Variants in NLRP12 observed in about 807,000 individuals in gnomAD.
NLRP12 encodes the protein NACHT, LRR and PYD domains-containing protein 12.
A neutral mutation model predicts 91.2 loss-of-function variants in NLRP12; 108 were observed. The ratio of observed to expected loss-of-function variants is 1.18; its 90% confidence interval spans 1.01 to 1.39. NLRP12 has a LOEUF of 1.39. NLRP12 is among the 40% of genes most tolerant of loss of function. The probability of loss-of-function intolerance (pLI) is 0.00; values close to 1 mark genes in which losing one functional copy is unlikely to be tolerated. For synonymous variants in NLRP12, 613 were observed against 566.7 expected (o/e 1.08, Z -1.16); for missense variants, 1,530 against 1,352.7 (o/e 1.13, Z -2.06).
At position 53,798,386 on chromosome 19, in the gene NLRP12, G is replaced by A. The variant is rs104895569; in HGVS notation, c.2784C>T (p.Ala928=). 2.6e-3 allele frequency: 4,116 copies of A among 1,614,090 alleles called. 67 individuals carry two copies. The African/African-American group carries it at 0.043, about 17-fold the overall frequency. Residue 928 remains alanine (A), a synonymous_variant, in exon 8 of 10, where the codon GCC becomes GCT. Transcript: ENST00000324134. ...LRLGICRLGS[A]ACEGLSVVLQ... Reference sequence around the variant, plus strand: ...GCACCACAGAAAGACCCTCACAGGCGGCAGAGCCCAGCCGGCAGATGCCCA... The same window carrying A: ...GCACCACAGAAAGACCCTCACAGGCAGCAGAGCCCAGCCGGCAGATGCCCA...
intron 1 of NLRP12, among the ~76,000 whole-genome samples, chr19:53,819,964 G>T (rs2092242875): frequency 6.6e-6 from 1 of 152,038 alleles, no homozygotes; most frequent in South Asian, 2.1e-4. Context: ...AGTCATTAAA[G>T]ACTTTGTTTT....
intron 7 of NLRP12, among the ~76,000 whole-genome samples, chr19:53,800,581 C>A (rs8110965): frequency 6.1e-5 from 8 of 130,154 alleles, no homozygotes; most frequent in Non-Finnish European, 1.2e-4. Context: ...GTCAGAAAAC[C>A]CCCCCCTTTT....
chr19:53,796,068 G>T (rs1488401503), intron 8 of NLRP12, 39 bp from the exon 9 acceptor site: 3 of 1,593,986 alleles, frequency 1.9e-6, no homozygotes, highest in South Asian at 1.1e-5. Context: ...AACACCAGGG[G>T]CTACTTATGT....
In NLRP12 at chr19:53,805,422, C is replaced by A; in HGVS notation, c.2272G>T (p.Ala758Ser). Residue 758 changes from alanine to serine, a missense_variant, in exon 5 of 10, where the codon GCC becomes TCC. Coordinates refer to ENST00000324134, the MANE Select transcript of NLRP12 (RefSeq NM_144687.4). The stretch of plus-strand genomic sequence containing the variant: ...AGAGCTGCAGAGAGGTCCTCGCAGG[C>A]TGAGCTGGAGATGCGGCACCTCTTC... ...RLKRCRISSS[A>S]CEDLSAALIA... 6.2e-7 allele frequency: 1 copy of A among 1,613,916 alleles called. No individual in the cohort carries two copies. Among genetic ancestry groups the A allele is most frequent in the South Asian group, 1.1e-5 (1 of 91,070 alleles).
rs538838789 is a variant in NLRP12 at position 53,802,168 on chromosome 19, C to T, written c.2586-771G>A. Among the ~76,000 whole-genome samples, 40 of 151,178 alleles carry T rather than the reference C, an allele frequency of 2.6e-4. 2 individuals carry two copies. In the East Asian group the frequency reaches 7.4e-3, roughly 28 times the overall value. ...CTTGAACCCAGGAGGCGGAGGTTGC[C>T]GTGAGCTGAGATCACGCCATTGCAC... On this transcript the variant is annotated intron_variant, in intron 6 of 9. Coordinates refer to ENST00000324134, the MANE Select transcript of NLRP12 (RefSeq NM_144687.4).
At position 53,804,120 on chromosome 19, in the gene NLRP12, A is replaced by G; in HGVS notation, c.2417T>C (p.Leu806Ser). The G allele has an allele frequency of 6.2e-7, 1 of 1,613,842 alleles. No homozygotes were observed. The highest frequency in any genetic ancestry group is 8.5e-7 in the Non-Finnish European group (1 of 1,179,874). Residue 806 changes from leucine (L) to serine (S), a missense_variant and splice_region_variant, in exon 6 of 10, where the codon TTG becomes TCG. Physicochemically the swap from Leu to Ser is moderately radical, Grantham distance 145. Transcript: ENST00000324134. ...CCCGGACTCCAGCTGACACTTCCTC[A>G]ACCTTGGGAGGAAGGAGAGGTTGAA... ...HPQCRLQMIQ[L>S]RKCQLESGAC...
chr19:53,803,661 CCT>C, intron 6 of NLRP12: 3 of 398,130 alleles, frequency 7.5e-6, no homozygotes. Context: ...GCAACTTCCG[CCT>C]CTCAGGTTCA....
At position 53,810,993 on chromosome 19, in the gene NLRP12, G is replaced by T. The variant is rs758065896; in HGVS notation, c.666C>A (p.Gly222=). 1.2e-5 allele frequency: 19 copies of T among 1,614,044 alleles called. No homozygotes were observed. The highest frequency in any genetic ancestry group is 1.6e-4 in the Middle Eastern group (1 of 6,084). ...TVVMQGAAGI[G]KSMLAHKVML... is the part of the protein sequence containing the mutation. ...TCACCTTGTGTGCCAGCATGGACTT[G>T]CCTATCCCTGCCGCGCCTTGCATGA... is the stretch of plus-strand genomic sequence containing the variant. The change falls in exon 3 of 10, where the codon GGC becomes GGA. Residue 222 remains glycine (G), a synonymous_variant. Transcript: ENST00000324134.
intron 7 of NLRP12, among the ~76,000 whole-genome samples, chr19:53,800,731 C>T (rs1332125299): frequency 6.6e-6 from 1 of 151,962 alleles, no homozygotes; most frequent in Non-Finnish European, 1.5e-5. Flanking sequence ...TATAGGCATG[C>T]ACCACCATGC....
In NLRP12 at chr19:53,798,242, C is replaced by G. The variant is rs2091804805; in HGVS notation, c.2927+1G>C. The G allele has an allele frequency of 6.2e-7, 1 of 1,614,194 alleles. No individual in the cohort carries two copies. The highest frequency in any genetic ancestry group is 1.3e-5 in the African/African-American group (1 of 75,050). ...CCACCCCGTCACTCCCCGATGCTCA[C>G]CACAGTTTCTGGAGTCTGCAGGCGG... On this transcript the variant is annotated splice_donor_variant, in intron 8 of 9. Coordinates refer to ENST00000324134, the MANE Select transcript of NLRP12 (RefSeq NM_144687.4). LOFTEE classifies it high-confidence loss of function.
chr19:53,811,376 A>T, intron 2 of NLRP12, 88 bp from the exon 3 acceptor site: 1 of 1,473,366 alleles, frequency 6.8e-7, no homozygotes, highest in Non-Finnish European at 9.5e-7. Context: ...TGTGGCTCAA[A>T]GAAGGTGTGT....
intron 5 of NLRP12, 116 bp from the exon 6 acceptor site, chr19:53,804,238 G>T: frequency 1.6e-6 from 2 of 1,213,892 alleles, no homozygotes; most frequent in Non-Finnish European, 2.4e-6. Context: ...TGTCACCCAG[G>T]GTGAAGTTCA....
At chr19:53,798,518 A>G (rs1337714641) in intron 7 of NLRP12, 105 bp from the exon 8 acceptor site, 2 of 1,087,704 alleles carry the variant, frequency 1.8e-6, no homozygotes, top group Non-Finnish European at 2.8e-6. Flanking sequence ...AGAGGGACAG[A>G]CTCAATCTCT....
At chr19:53,823,350 C>T (rs2092288676) in intron 1 of NLRP12, among the ~76,000 whole-genome samples, 2 of 123,928 alleles carry the variant, frequency 1.6e-5, no homozygotes, top group South Asian at 2.4e-4. Context: ...ATAATATATA[C>T]CATATTTAAT....
At chr19:53,802,009 C>T (rs2091883531) in intron 6 of NLRP12, among the ~76,000 whole-genome samples, 1 of 151,942 alleles carries the variant, frequency 6.6e-6, no homozygotes, top group African/African-American at 2.4e-5. Context: ...GGGTGGATCA[C>T]CTGAGGTTGG....
Position 53,809,836 on chromosome 19 carries a change from T to A in NLRP12, c.1823A>T (p.Gln608Leu). 1 of 1,614,128 alleles carries A rather than the reference T, an allele frequency of 6.2e-7. No homozygotes were observed. The highest frequency in any genetic ancestry group is 8.5e-7 in the Non-Finnish European group (1 of 1,180,024). The change falls in exon 3 of 10, where the codon CAG (glutamine) becomes CTG (leucine). Residue 608 changes from glutamine to leucine, a missense_variant. By Grantham distance (113) the Gln-to-Leu change is moderately radical. Transcript: ENST00000324134. ...GCAGCTGAAGAACTCCAAGGAGCCCTGCTGCAGGGTGGAGCCGTCGCTCTG... is the reference window on the plus strand; with the variant it reads ...GCAGCTGAAGAACTCCAAGGAGCCCAGCTGCAGGGTGGAGCCGTCGCTCTG... ...KAQSDGSTLQ[Q>L]GSLEFFSCLY...
chr19:53,816,738 G>C (rs62143195), intron 1 of NLRP12, among the ~76,000 whole-genome samples: 75,490 of 150,906 alleles, frequency 0.5, 19,499 homozygotes, highest in African/African-American at 0.64. Flanking sequence ...GATGCGGTTT[G>C]ACCATGTTGG....
In NLRP12 at chr19:53,820,245, T is replaced by C. The variant is rs560405790; in HGVS notation, c.289+3641A>G. On this transcript the variant is annotated intron_variant, in intron 1 of 9. Coordinates refer to ENST00000324134, the MANE Select transcript of NLRP12 (RefSeq NM_144687.4). ...GAGAAATTACATTAAAAACCACAGC[T>C]CAAGCAGGGTGCAGTGGCTCACGCC... is the stretch of plus-strand genomic sequence containing the variant. 6.6e-5 allele frequency among the ~76,000 whole-genome samples: 10 copies of C among 152,032 alleles called. No homozygotes were observed. In the South Asian group the frequency reaches 2.1e-3, roughly 32 times the overall value.
In NLRP12 at chr19:53,811,386, T is replaced by C. The variant is rs540018701; in HGVS notation, c.371-98A>G. The C allele has an allele frequency of 3.7e-5, 51 of 1,377,836 alleles. No individual in the cohort carries two copies. The East Asian group carries it at 1.1e-3, about 30-fold the overall frequency. 85.4% of individuals were successfully genotyped at this position (1,377,836 alleles called of 1,614,324 possible). A position where few individuals can be genotyped will look rare whatever the true frequency, so the allele number is the denominator to read the frequency against. On this transcript the variant is annotated intron_variant, in intron 2 of 9. Coordinates refer to ENST00000324134, the MANE Select transcript of NLRP12 (RefSeq NM_144687.4). ...CCTCATGTGGCTCAAAGAAGGTGTG[T>C]GCCTGTAGTTCCAGCTACTCAGGAG...
Sources: allele counts gnomAD v4.1 joint callset (sites outside exome capture counted in the v4.1 genomes callset), GRCh38; gene constraint gnomAD v4.1.1; transcripts MANE v1.5; gene names NCBI Gene and HGNC (gene_info 2026-07-23, HGNC 2026-07-21).